The following POLN variants were observed in gnomAD, a reference collection of about 807,000 sequenced individuals.
The protein encoded by POLN is DNA polymerase N.
In POLN, 108 loss-of-function variants were observed where a neutral mutation model predicts 113.5. The observed-to-expected ratio is 0.95, with a 90% confidence interval of 0.81 to 1.12. The LOEUF (loss-of-function observed/expected upper bound fraction) is 1.12, where lower values mean the gene tolerates loss of function less well. Ranked by LOEUF, POLN falls within the 50% of genes most tolerant of loss-of-function variation. POLN has a pLI of 0.00. For missense variants in POLN, 1,097 were observed against 1,077.1 expected, an observed-to-expected ratio of 1.02 and a Z score of -0.26; for synonymous variants, 386 against 391.5, an observed-to-expected ratio of 0.99 and a Z score of 0.17.
intron 4 of POLN, among the ~76,000 whole-genome samples, chr4:2,209,094 A>T (rs1019606974): frequency 6.6e-6 from 1 of 152,220 alleles, no homozygotes; most frequent in Non-Finnish European, 1.5e-5. Flanking sequence ...ATAAGAGAGA[A>T]GATTAATAAT....
chr4:2,200,301 G>C (rs1185615929), intron 5 of POLN, among the ~76,000 whole-genome samples: 1 of 152,212 alleles, frequency 6.6e-6, no homozygotes, highest in Non-Finnish European at 1.5e-5. Flanking sequence ...AGAGAATTAG[G>C]AGATCATGGC....
intron 16 of POLN, among the ~76,000 whole-genome samples, chr4:2,153,109 T>C (rs1732333677): frequency 2.0e-5 from 3 of 152,028 alleles, no homozygotes; most frequent in South Asian, 2.1e-4. Flanking sequence ...ATAGCTAGAG[T>C]GGGACAGGCC....
chr4:2,178,958 GT>G (rs1357420538), intron 8 of POLN, among the ~76,000 whole-genome samples: 1 of 152,100 alleles, frequency 6.6e-6, no homozygotes, highest in East Asian at 1.9e-4. Context: ...AGACTGAAGA[GT>G]AGCCATCCCA....
intron 19 of POLN, among the ~76,000 whole-genome samples, chr4:2,110,224 G>A (rs1731158011): frequency 6.6e-6 from 1 of 152,020 alleles, no homozygotes; most frequent in Non-Finnish European, 1.5e-5. Context: ...AGAATCTCTG[G>A]GACACATTCA....
chr4:2,159,631 TTTG>T (rs1233647122), intron 13 of POLN, among the ~76,000 whole-genome samples: 1 of 151,948 alleles, frequency 6.6e-6, no homozygotes, highest in East Asian at 1.9e-4. Context: ...GTAAGAAAAG[TTTG>T]TTAATTATCA....
chr4:2,148,836 G>C lies in POLN; in HGVS notation c.1731+7952C>G, dbSNP rs1367564139. 2.0e-5 allele frequency among the ~76,000 whole-genome samples: 3 copies of C among 151,942 alleles called. No individual in the cohort carries two copies. The East Asian group carries it at 5.8e-4, about 29-fold the overall frequency. On this transcript the variant is annotated intron_variant, in intron 16 of 25. Transcript: ENST00000511885. ...ATGGTGATAAGGTAAAAGCAGTAAA[G>C]AAAAAAGACACATTATGTGAAGATA... is the stretch of plus-strand genomic sequence containing the variant.
chr4:2,087,602 G>A (rs954207978), intron 20 of POLN, among the ~76,000 whole-genome samples: 2 of 152,082 alleles, frequency 1.3e-5, no homozygotes, highest in African/African-American at 4.8e-5. Flanking sequence ...TTTATTAAGA[G>A]CATATTTTCT....
In POLN at chr4:2,094,372, A is replaced by AAAAAAAAAAAAG. The variant is rs1553893365; in HGVS notation, c.2065+1478_2065+1479insCTTTTTTTTTTT. Among the ~76,000 whole-genome samples, 98 of 149,768 alleles carry AAAAAAAAAAAAG rather than the reference A, an allele frequency of 6.5e-4. 1 individual carries two copies. The East Asian group carries it at 0.016, about 25-fold the overall frequency. ...AGCAAGGTTCTGTCTCCAAAAAAAA[A>AAAAAAAAAAAAG]AAAGAAAGAAAGAAACAGAAGCCAA... On this transcript the variant is annotated intron_variant, in intron 20 of 25. Coordinates refer to ENST00000511885, the MANE Select transcript of POLN (RefSeq NM_181808.4).
At chr4:2,159,788 A>G (rs1732531977) in intron 13 of POLN, among the ~76,000 whole-genome samples, 1 of 152,072 alleles carries the variant, frequency 6.6e-6, no homozygotes, top group African/African-American at 2.4e-5. Context: ...TTGGTCCAAT[A>G]TCATTTTTTG....
intron 19 of POLN, among the ~76,000 whole-genome samples, chr4:2,096,186 A>G (rs1359689067): frequency 6.6e-6 from 1 of 152,200 alleles, no homozygotes; most frequent in African/African-American, 2.4e-5. Flanking sequence ...AGGTGTCCAC[A>G]AATCAAAACC....
intron 11 of POLN, 104 bp downstream of exon 11, chr4:2,173,851 A>T: frequency 9.0e-7 from 1 of 1,111,346 alleles, no homozygotes; most frequent in Admixed American, 1.8e-5. Context: ...ACACCAAACA[A>T]GGAAGAGAAG....
At position 2,128,146 on chromosome 4, in the gene POLN, C is replaced by T; in HGVS notation, c.1949G>A (p.Arg650Lys). The T allele has an allele frequency of 6.2e-7, 1 of 1,609,798 alleles. No individual in the cohort carries two copies. The highest frequency in any genetic ancestry group is 8.5e-7 in the Non-Finnish European group (1 of 1,176,174). Residue 650 changes from arginine (R) to lysine (K), a missense_variant, in exon 19 of 26, where the codon AGA becomes AAA. Physicochemically the swap from Arg to Lys is conservative, Grantham distance 26. Coordinates refer to ENST00000511885, the MANE Select transcript of POLN (RefSeq NM_181808.4). ...ELLKLFQESE[R>K]DDVFSTLTSQ... ...AGTCAGAGTAGAAAATACATCATCT[C>T]TTTCAGATTCCTGGAATAACTTCAG...
intron 7 of POLN, among the ~76,000 whole-genome samples, chr4:2,190,642 A>G (rs1733416386): frequency 6.6e-6 from 1 of 152,266 alleles, no homozygotes; most frequent in Non-Finnish European, 1.5e-5. Context: ...ATAGTGGATT[A>G]ACAACCAGGA....
At chr4:2,108,464 G>T (rs1731119959) in intron 19 of POLN, among the ~76,000 whole-genome samples, 1 of 152,140 alleles carries the variant, frequency 6.6e-6, no homozygotes, top group African/African-American at 2.4e-5. Flanking sequence ...TTGTTAAAGG[G>T]ATAGAATGCA....
At chr4:2,184,974 A>T (rs1028181066) in intron 7 of POLN, among the ~76,000 whole-genome samples, 2 of 152,236 alleles carry the variant, frequency 1.3e-5, no homozygotes, top group Non-Finnish European at 2.9e-5. Flanking sequence ...GAAAATAATC[A>T]AATTTTATCT....
intron 19 of POLN, among the ~76,000 whole-genome samples, chr4:2,102,807 A>G (rs1479053148): frequency 3.3e-5 from 5 of 152,202 alleles, no homozygotes; most frequent in Admixed American, 3.3e-4. Flanking sequence ...AGATACCACT[A>G]ATGCTATTCA....
At chr4:2,104,546 A>G (rs1245198083) in intron 19 of POLN, among the ~76,000 whole-genome samples, 1 of 152,222 alleles carries the variant, frequency 6.6e-6, no homozygotes, top group Non-Finnish European at 1.5e-5. Flanking sequence ...AAAAGCAGGA[A>G]GGAAGATCAG....
In POLN at chr4:2,157,181, A is replaced by G. The variant is rs1219178139; in HGVS notation, c.1666-328T>C. ...CGGGCTCGAGGTGGGACTGTGCGTC[A>G]CAGACAGGTTCTGTCACTTGCTGTG... On this transcript the variant is annotated intron_variant, in intron 15 of 25. Transcript: ENST00000511885. Among the ~76,000 whole-genome samples the G allele has an allele frequency of 2.6e-5, 4 of 152,196 alleles. No homozygotes were observed. The East Asian group carries it at 7.7e-4, about 29-fold the overall frequency.
chr4:2,175,967 C>T (rs993767337), intron 9 of POLN, among the ~76,000 whole-genome samples: 1 of 152,186 alleles, frequency 6.6e-6, no homozygotes, highest in African/African-American at 2.4e-5. Flanking sequence ...CTATGTCCAT[C>T]CCACTATTAA....
Sources: gnomAD v4.1 joint callset for allele counts (sites outside exome capture counted in the v4.1 genomes callset) on GRCh38, gnomAD v4.1.1 for gene constraint, MANE v1.5 for transcripts, NCBI Gene and HGNC (gene_info 2026-07-23, HGNC 2026-07-21) for gene names.